HTR2C: variants seen among roughly 807,000 people sequenced by gnomAD.
The protein encoded by HTR2C is 5-hydroxytryptamine receptor 2C.
In HTR2C, 5 loss-of-function variants were observed where a neutral mutation model predicts 21.0. That is an observed-to-expected ratio of 0.24 (90% CI 0.12 to 0.50). The LOEUF (loss-of-function observed/expected upper bound fraction) is 0.50. Ranked by LOEUF, HTR2C falls within the 20% of genes least tolerant of loss-of-function variation. The pLI is 0.98. For synonymous variants in HTR2C, 150 were observed against 145.3 expected, an observed-to-expected ratio of 1.03 and a Z score of -0.23; for missense variants, 271 against 371.2, an observed-to-expected ratio of 0.73 and a Z score of 2.22.
intron 4 of HTR2C, among the ~76,000 whole-genome samples, chrX:114,805,610 CACAT>C (rs1369194198): frequency 0.022 from 178 of 8,268 alleles, 31 homozygotes; most frequent in African/African-American, 0.077. Context: ...CATATATATA[CACAT>C]CATATATATA....
chrX:114,757,545 C>T (rs1254653178), intron 4 of HTR2C, among the ~76,000 whole-genome samples: 6 of 111,598 alleles, frequency 5.4e-5, no homozygotes, highest in African/African-American at 2.0e-4. Context: ...GTACCCAAAT[C>T]GTTCAGGTAA....
At chrX:114,623,241 T>C (rs1929235295) in intron 2 of HTR2C, among the ~76,000 whole-genome samples, 1 of 112,256 alleles carries the variant, frequency 8.9e-6, no homozygotes, top group South Asian at 3.7e-4. Flanking sequence ...CACAGTCCCC[T>C]GAGTCCTATA....
intron 5 of HTR2C, among the ~76,000 whole-genome samples, chrX:114,896,691 T>G (rs1348202180): frequency 8.9e-6 from 1 of 112,312 alleles, no homozygotes; most frequent in Non-Finnish European, 1.9e-5. Flanking sequence ...TCATACAATA[T>G]ATAATTTTCC....
intron 2 of HTR2C, among the ~76,000 whole-genome samples, chrX:114,722,917 C>G (rs868972144): frequency 1.8e-5 from 2 of 109,883 alleles, no homozygotes; most frequent in South Asian, 3.9e-4. Context: ...TTTGGTTTGC[C>G]AGTATTTTAT....
At position 114,700,923 on chromosome X, in the gene HTR2C, G is replaced by A. The variant is rs781988144; in HGVS notation, c.-79-25935G>A. ...GGAGATTATATCCCGCACCTGGCTC[G>A]GAGGGTCCTACGCCCACGGAGTCTT... On this transcript the variant is annotated intron_variant, in intron 2 of 5. Transcript: ENST00000276198. Among the ~76,000 whole-genome samples the A allele has an allele frequency of 9.9e-5, 11 of 111,243 alleles. No homozygotes were observed. In the South Asian group the frequency reaches 1.5e-3, roughly 15 times the overall value.
At chrX:114,706,579 A>C (rs1426352937) in intron 2 of HTR2C, among the ~76,000 whole-genome samples, 38 of 64,444 alleles carry the variant, frequency 5.9e-4, no homozygotes, top group South Asian at 1.5e-3. Flanking sequence ...GGGAGGGGGG[A>C]GGGATAGCAT....
At chrX:114,614,859 G>A (rs1286143100) in intron 2 of HTR2C, among the ~76,000 whole-genome samples, 1 of 111,428 alleles carries the variant, frequency 9.0e-6, no homozygotes, top group African/African-American at 3.3e-5. Context: ...AATTTAAATT[G>A]GATTCCTTAT....
rs78094912 is a variant in HTR2C at position 114,648,421 on chromosome X, C to T, written c.-80+34540C>T. Among the ~76,000 whole-genome samples the T allele has an allele frequency of 8.6e-3, 955 of 111,592 alleles. 12 individuals are homozygous for T. The highest frequency in any genetic ancestry group is 0.029 in the African/African-American group (885 of 30,690). Reference sequence around the variant, plus strand: ...TACTACTACGGTCTTCTAGAAACTTCCTTTTTCCATTAAAAGTTATACAGG... The same window carrying T: ...TACTACTACGGTCTTCTAGAAACTTTCTTTTTCCATTAAAAGTTATACAGG... On this transcript the variant is annotated intron_variant, in intron 2 of 5. Transcript: ENST00000276198.
intron 4 of HTR2C, among the ~76,000 whole-genome samples, chrX:114,819,188 CAAAG>C (rs1439838725): frequency 9.0e-6 from 1 of 111,602 alleles, no homozygotes; most frequent in Non-Finnish European, 1.9e-5. Flanking sequence ...TTTGGAATAA[CAAAG>C]AGAATAAATT....
At chrX:114,590,549 T>C (rs1217893505) in intron 1 of HTR2C, among the ~76,000 whole-genome samples, 1 of 111,633 alleles carries the variant, frequency 9.0e-6, no homozygotes, top group East Asian at 2.8e-4. Flanking sequence ...ATTGATTGTA[T>C]TGTATTCCAA....
intron 4 of HTR2C, among the ~76,000 whole-genome samples, chrX:114,802,631 T>C (rs1556447181): frequency 9.0e-6 from 1 of 110,941 alleles, no homozygotes; most frequent in East Asian, 2.9e-4. Flanking sequence ...CTCATGATGA[T>C]GCCTTTAGCT....
chrX:114,653,933 A>G (rs1247174475), intron 2 of HTR2C, among the ~76,000 whole-genome samples: 2 of 110,775 alleles, frequency 1.8e-5, no homozygotes, highest in East Asian at 5.7e-4. Context: ...CTCTTTTGCA[A>G]TATTTCTGCT....
chrX:114,767,649 T>C (rs1422867671), intron 4 of HTR2C, among the ~76,000 whole-genome samples: 1 of 108,448 alleles, frequency 9.2e-6, no homozygotes, highest in Non-Finnish European at 1.9e-5. Context: ...TTTATGTATT[T>C]AATTTTGTAT....
intron 4 of HTR2C, among the ~76,000 whole-genome samples, chrX:114,790,977 G>T (rs1358517023): frequency 9.1e-6 from 1 of 110,111 alleles, no homozygotes; most frequent in African/African-American, 3.3e-5. Flanking sequence ...CAGCCTGGGC[G>T]GCCAGGGGAG....
chrX:114,863,790 T>A lies in HTR2C; in HGVS notation c.550+15587T>A, dbSNP rs11507855. Among the ~76,000 whole-genome samples the A allele has an allele frequency of 4.3e-3, 484 of 112,149 alleles. 1 individual carries two copies. Among genetic ancestry groups the A allele is most frequent in the African/African-American group, 0.015 (452 of 31,018 alleles). On this transcript the variant is annotated intron_variant, in intron 5 of 5. Coordinates refer to ENST00000276198, the MANE Select transcript of HTR2C (RefSeq NM_000868.4). ...CATTTTGTTCTTTTATGTCCATTAA[T>A]AATTTTTGTATGTATTTATGTGCTC...
At chrX:114,781,564 G>A (rs916233610) in intron 4 of HTR2C, among the ~76,000 whole-genome samples, 4 of 109,393 alleles carry the variant, frequency 3.7e-5, no homozygotes, top group African/African-American at 1.3e-4. Context: ...GCAGTGGCGT[G>A]ATCACAGCCC....
At chrX:114,609,084 C>T (rs1208267602) in intron 1 of HTR2C, among the ~76,000 whole-genome samples, 4 of 111,771 alleles carry the variant, frequency 3.6e-5, no homozygotes, top group Non-Finnish European at 7.5e-5. Context: ...TCTCTTGCAA[C>T]AGTGGTGTGG....
intron 2 of HTR2C, among the ~76,000 whole-genome samples, chrX:114,632,813 A>G (rs950398270): frequency 9.0e-6 from 1 of 110,715 alleles, no homozygotes; most frequent in Non-Finnish European, 1.9e-5. Context: ...TTAAATTCTA[A>G]TAAATATTAT....
At chrX:114,769,781 T>C (rs2069982104) in intron 4 of HTR2C, among the ~76,000 whole-genome samples, 1 of 111,609 alleles carries the variant, frequency 9.0e-6, no homozygotes, top group Non-Finnish European at 1.9e-5. Flanking sequence ...TTGTGTTTTT[T>C]TTCATGGAGT....
Sources: allele counts gnomAD v4.1 joint callset (sites outside exome capture counted in the v4.1 genomes callset), GRCh38; gene constraint gnomAD v4.1.1; transcripts MANE v1.5; gene names NCBI Gene and HGNC (gene_info 2026-07-23, HGNC 2026-07-21).